IKZF3: variants seen among roughly 807,000 people sequenced by gnomAD.
The protein encoded by IKZF3 is zinc finger protein Aiolos.
In IKZF3, 10 loss-of-function variants were observed where a neutral mutation model predicts 49.0. The observed-to-expected ratio is 0.20, with a 90% CI of 0.13 to 0.35. The LOEUF (loss-of-function observed/expected upper bound fraction) is 0.35, where lower values mean the gene tolerates loss of function less well. Among genes scored for constraint, IKZF3 ranks in the 10% least tolerant of loss-of-function variants. The pLI is 1.00. For missense variants in IKZF3, 498 were observed against 664.8 expected (o/e 0.75, Z 2.76); for synonymous variants, 209 against 228.2 (o/e 0.92, Z 0.76).
Position 39,864,137 on chromosome 17 carries a change from G to A in IKZF3, c.-11C>T, listed in dbSNP as rs1403390147. 1.2e-6 allele frequency: 2 copies of A among 1,612,538 alleles called. No individual in the cohort carries two copies. The highest frequency in any genetic ancestry group is 1.7e-6 in the Non-Finnish European group (2 of 1,179,418). On this transcript the variant is annotated 5_prime_UTR_variant, in exon 1 of 8. Coordinates refer to ENST00000346872, the MANE Select transcript of IKZF3 (RefSeq NM_012481.5). ...AGGCTCACCTTCCATGTCGCTGCCGGGCCGGGCTGGAGCTGCCGCTGTGGC... is the reference window on the plus strand; with the variant it reads ...AGGCTCACCTTCCATGTCGCTGCCGAGCCGGGCTGGAGCTGCCGCTGTGGC...
At chr17:39,841,069 C>T (rs769917166) in intron 1 of IKZF3, among the ~76,000 whole-genome samples, 7 of 151,836 alleles carry the variant, frequency 4.6e-5, no homozygotes, top group Non-Finnish European at 1.5e-5. Flanking sequence ...CCCAGTCACT[C>T]GGGAGGCTGA....
chr17:39,863,649 A>C (rs889705402), intron 1 of IKZF3, among the ~76,000 whole-genome samples: 2 of 152,230 alleles, frequency 1.3e-5, no homozygotes, highest in African/African-American at 2.4e-5. Context: ...TAGAAGATCG[A>C]GTTCCAAGGG....
chr17:39,819,069 C>T (rs1411201078), intron 3 of IKZF3, among the ~76,000 whole-genome samples: 2 of 152,082 alleles, frequency 1.3e-5, no homozygotes, highest in South Asian at 2.1e-4. Flanking sequence ...GGAGGTAAGG[C>T]GATACTATTG....
At chr17:39,825,995 C>T (rs2061946980) in intron 3 of IKZF3, among the ~76,000 whole-genome samples, 2 of 152,102 alleles carry the variant, frequency 1.3e-5, no homozygotes, top group South Asian at 4.1e-4. Context: ...TAGACAGTGC[C>T]CTATAAAGTA....
In IKZF3 at chr17:39,847,391, T is replaced by A. The variant is rs531381052; in HGVS notation, c.8-15240A>T. Among the ~76,000 whole-genome samples the A allele has an allele frequency of 4.6e-5, 7 of 152,272 alleles. No individual in the cohort carries two copies. In the East Asian group the frequency reaches 1.4e-3, roughly 29 times the overall value. ...TGAATGTCCTCTAATATCCCCCTAC[T>A]TGGGTTATACAGCCTCTGCTTGAAC... On this transcript the variant is annotated intron_variant, in intron 1 of 7. Coordinates refer to ENST00000346872, the MANE Select transcript of IKZF3 (RefSeq NM_012481.5).
At chr17:39,812,087 G>A (rs1459264215) in intron 3 of IKZF3, among the ~76,000 whole-genome samples, 1 of 152,084 alleles carries the variant, frequency 6.6e-6, no homozygotes, top group Non-Finnish European at 1.5e-5. Context: ...ATTGCTTTGT[G>A]CTTTTTGTAA....
At chr17:39,847,811 C>T (rs1403932243) in intron 1 of IKZF3, among the ~76,000 whole-genome samples, 1 of 152,172 alleles carries the variant, frequency 6.6e-6, no homozygotes, top group African/African-American at 2.4e-5. Flanking sequence ...GGCCAGTAAT[C>T]GCCCAAGGGC....
intron 6 of IKZF3, among the ~76,000 whole-genome samples, chr17:39,784,809 A>G (rs1330119474): frequency 6.6e-6 from 1 of 152,204 alleles, no homozygotes; most frequent in African/African-American, 2.4e-5. Context: ...TATCTGGATA[A>G]AAGAAATGAT....
rs369652538 is a variant in IKZF3 at position 39,792,868 on chromosome 17, T to A, written c.229A>T (p.Met77Leu). ...ATTTCAGGCTCTTCTGCATTTCCCA[T>A]GGGTTCTGACTTTAAAACATTCTCA... ...RDENVLKSEP[M>L]GNAEEPEIPY... is the part of the protein sequence containing the mutation. Residue 77 changes from methionine (M) to leucine (L), a missense_variant, in exon 4 of 8, where the codon ATG (methionine) becomes TTG (leucine). Met to Leu is a conservative substitution (Grantham distance 15). Around this residue, in one of 3 missense-constraint regions of IKZF3, gnomAD observed 97 missense variants for 98.9 expected, o/e 0.98. Coordinates refer to ENST00000346872, the MANE Select transcript of IKZF3 (RefSeq NM_012481.5). 110 of 1,613,904 alleles carry A rather than the reference T, an allele frequency of 6.8e-5. No individual in the cohort carries two copies. Among genetic ancestry groups the A allele is most frequent in the Admixed American group, 1.0e-4 (6 of 60,016 alleles).
At chr17:39,767,019 T>A (rs2143580765) in intron 7 of IKZF3, among the ~76,000 whole-genome samples, 1 of 152,234 alleles carries the variant, frequency 6.6e-6, no homozygotes, top group African/African-American at 2.4e-5. Flanking sequence ...GCTTTTTAAA[T>A]AGCTACAGAG....
intron 1 of IKZF3, among the ~76,000 whole-genome samples, chr17:39,862,662 C>T (rs763076328): frequency 1.3e-5 from 2 of 152,000 alleles, no homozygotes; most frequent in African/African-American, 2.4e-5. Context: ...CTCCATGGAC[C>T]TATAGATTTA....
chr17:39,771,061 G>T (rs951616725), intron 7 of IKZF3, among the ~76,000 whole-genome samples: 11 of 152,140 alleles, frequency 7.2e-5, no homozygotes, highest in African/African-American at 2.7e-4. Flanking sequence ...TTCCAAGATT[G>T]CCCAGTTGGT....
chr17:39,815,938 G>A (rs1445224612), intron 3 of IKZF3, among the ~76,000 whole-genome samples: 1 of 152,168 alleles, frequency 6.6e-6, no homozygotes, highest in Non-Finnish European at 1.5e-5. Context: ...ATAATGGGGT[G>A]AAACCTTGTC....
Position 39,798,226 on chromosome 17 carries a change from C to T in IKZF3, c.164-5293G>A, listed in dbSNP as rs573394910. ...CCCTTCTTTCTCCTTTCCAGCCCGT[C>T]TTGTTTGTTGCTACAAGATTGCTCT... On this transcript the variant is annotated intron_variant, in intron 3 of 7. Transcript: ENST00000346872. Among the ~76,000 whole-genome samples, 5 of 152,258 alleles carry T rather than the reference C, an allele frequency of 3.3e-5. No individual in the cohort carries two copies. In the East Asian group the frequency reaches 9.7e-4, roughly 29 times the overall value.
At chr17:39,807,113 A>G (rs1325987036) in intron 3 of IKZF3, among the ~76,000 whole-genome samples, 1 of 152,098 alleles carries the variant, frequency 6.6e-6, no homozygotes, top group Admixed American at 6.5e-5. Flanking sequence ...GAGGACCCAG[A>G]TATGCTGTGC....
intron 3 of IKZF3, among the ~76,000 whole-genome samples, chr17:39,804,125 A>G (rs997154414): frequency 2.0e-5 from 3 of 152,184 alleles, no homozygotes; most frequent in African/African-American, 7.2e-5. Context: ...GAACCTAACA[A>G]GGGCCTCGTT....
chr17:39,811,843 A>G (rs1044688685), intron 3 of IKZF3, among the ~76,000 whole-genome samples: 1 of 152,164 alleles, frequency 6.6e-6, no homozygotes, highest in African/African-American at 2.4e-5. Flanking sequence ...ACTATAAAAG[A>G]CTGTTCTTGC....
At position 39,766,260 on chromosome 17, in the gene IKZF3, C is replaced by A; in HGVS notation, c.1060G>T (p.Gly354Cys). Residue 354 changes from glycine to cysteine, a missense_variant, in exon 8 of 8, where the codon GGT (glycine) becomes TGT (cysteine). This residue lies in a region of IKZF3 where 317 missense variants were observed against 397.3 expected (regional missense o/e 0.80). Coordinates refer to ENST00000346872, the MANE Select transcript of IKZF3 (RefSeq NM_012481.5). ...IALTRAEMSN[G>C]APQELEKKSI... ...TTCTTTTCCAGCTCTTGAGGGGCAC[C>A]GTTTGACATCTCAGCCCGGGTGAGG... is the stretch of plus-strand genomic sequence containing the variant. 1.2e-6 allele frequency: 2 copies of A among 1,614,152 alleles called. No individual in the cohort carries two copies. Among genetic ancestry groups the A allele is most frequent in the Non-Finnish European group, 1.7e-6 (2 of 1,180,038 alleles).
chr17:39,828,660 G>C (rs906424369), intron 3 of IKZF3, among the ~76,000 whole-genome samples: 1 of 152,148 alleles, frequency 6.6e-6, no homozygotes, highest in African/African-American at 2.4e-5. Flanking sequence ...GACTGAGCCT[G>C]TAACCTGTGC....
Sources: gnomAD v4.1 joint callset for allele counts (sites outside exome capture counted in the v4.1 genomes callset) on GRCh38, gnomAD v4.1.1 for gene constraint, gnomAD v4.1.1 regional missense constraint, MANE v1.5 for transcripts, NCBI Gene and HGNC (gene_info 2026-07-23, HGNC 2026-07-21) for gene names.